VPS13C: variants seen among roughly 807,000 people sequenced by gnomAD.
The protein encoded by VPS13C is intermembrane lipid transfer protein VPS13C.
A neutral mutation model predicts 456.8 loss-of-function variants in VPS13C; 358 were observed. The observed-to-expected ratio is 0.78, with a 90% CI of 0.72 to 0.86. The LOEUF (loss-of-function observed/expected upper bound fraction) is 0.86. Among genes scored for constraint, VPS13C ranks in the 40% least tolerant of loss-of-function variants. The pLI, the probability that VPS13C is intolerant of heterozygous loss-of-function variation, is 0.00. For synonymous variants in VPS13C, 1,578 were observed against 1,486.7 expected (o/e 1.06, Z -1.41); for missense variants, 4,818 against 4,385.4 (o/e 1.10, Z -2.79).
chr15:61,919,484 A>G (rs2043580406), intron 57 of VPS13C, 35 bp from the exon 58 acceptor site: 1 of 1,460,872 alleles, frequency 6.8e-7, no homozygotes. Flanking sequence ...AATTCCAAAT[A>G]TTAATTTGCC....
At chr15:62,020,614 G>A in intron 8 of VPS13C, 76 bp from the exon 9 acceptor site, 1 of 1,444,982 alleles carries the variant, frequency 6.9e-7, no homozygotes, top group East Asian at 2.3e-5. Flanking sequence ...ATAGGCAGCA[G>A]AGGGAAATGT....
chr15:61,938,851 AC>A (rs1452469730), intron 47 of VPS13C, among the ~76,000 whole-genome samples: 1 of 152,116 alleles, frequency 6.6e-6, no homozygotes, highest in Non-Finnish European at 1.5e-5. Context: ...AGAGAAAGAC[AC>A]CAGCCTAATT....
chr15:62,055,957 C>A (rs148354046), intron 1 of VPS13C, among the ~76,000 whole-genome samples: 37 of 152,304 alleles, frequency 2.4e-4, no homozygotes, highest in African/African-American at 8.9e-4. Flanking sequence ...CAGGGTCTAT[C>A]TGCTACATGC....
chr15:61,983,920 G>A lies in VPS13C; in HGVS notation c.1814C>T (p.Ser605Leu), dbSNP rs765984074. The change falls in exon 20 of 85, where the codon TCA (serine) becomes TTA (leucine). Residue 605 changes from serine to leucine, a missense_variant. Coordinates refer to ENST00000644861, the MANE Select transcript of VPS13C (RefSeq NM_020821.3). ...SLVASIGDTT[S>L]SLLKIKFETN... ...TTCAAATTTAATTTTAAGCAAGGATGATGTAGTGTCACCAATTGAAGCCAC... is the reference window on the plus strand; with the variant it reads ...TTCAAATTTAATTTTAAGCAAGGATAATGTAGTGTCACCAATTGAAGCCAC... The A allele has an allele frequency of 6.2e-7, 1 of 1,614,136 alleles. No homozygotes were observed. The highest frequency in any genetic ancestry group is 8.5e-7 in the Non-Finnish European group (1 of 1,180,006).
chr15:62,044,781 T>C (rs895322241), intron 1 of VPS13C, among the ~76,000 whole-genome samples: 6 of 152,148 alleles, frequency 3.9e-5, no homozygotes, highest in African/African-American at 1.4e-4. Context: ...TATATTCATA[T>C]GCTAAGTTAT....
intron 83 of VPS13C, among the ~76,000 whole-genome samples, chr15:61,855,452 ACT>A (rs1893852682): frequency 6.6e-6 from 1 of 152,172 alleles, no homozygotes; most frequent in African/African-American, 2.4e-5. Flanking sequence ...AAATTTTGAC[ACT>A]CTACAATGTA....
intron 59 of VPS13C, 28 bp from the exon 60 acceptor site, chr15:61,917,663 A>G (rs755435091): frequency 6.3e-7 from 1 of 1,595,990 alleles, no homozygotes; most frequent in Non-Finnish European, 8.6e-7. Flanking sequence ...AGTGACAATA[A>G]AGTTTTGATC....
At chr15:61,981,825 T>C (rs766856687) in intron 21 of VPS13C, among the ~76,000 whole-genome samples, 9 of 151,630 alleles carry the variant, frequency 5.9e-5, no homozygotes, top group Non-Finnish European at 1.3e-4. Flanking sequence ...ATTGTGCCAC[T>C]GCACTCCAGC....
At chr15:61,936,816 C>T in intron 47 of VPS13C, 66 bp from the exon 48 acceptor site, 1 of 1,450,760 alleles carries the variant, frequency 6.9e-7, no homozygotes, top group South Asian at 1.5e-5. Flanking sequence ...ATATCTATAT[C>T]TCGATTTGTG....
intron 30 of VPS13C, among the ~76,000 whole-genome samples, chr15:61,965,744 T>C (rs185732015): frequency 1.3e-5 from 2 of 152,002 alleles, no homozygotes; most frequent in Admixed American, 6.6e-5. Context: ...TTATATTTTA[T>C]ACACTTTTTC....
intron 73 of VPS13C, among the ~76,000 whole-genome samples, chr15:61,880,326 G>A (rs1172175939): frequency 6.6e-6 from 1 of 152,040 alleles, no homozygotes; most frequent in Non-Finnish European, 1.5e-5. Flanking sequence ...AACATTAAAC[G>A]TTGGCAAGCA....
chr15:61,874,436 C>G (rs1895263738), intron 77 of VPS13C, among the ~76,000 whole-genome samples: 1 of 151,952 alleles, frequency 6.6e-6, no homozygotes, highest in Admixed American at 6.6e-5. Context: ...AAATATCACT[C>G]TATACCCCAT....
At chr15:62,059,636 T>C (rs368707071) in intron 1 of VPS13C, among the ~76,000 whole-genome samples, 24 of 152,286 alleles carry the variant, frequency 1.6e-4, no homozygotes, top group East Asian at 1.5e-3. Context: ...AAAACAAAAT[T>C]CAAAATCCTC....
At chr15:61,972,518 C>T (rs964765389) in intron 27 of VPS13C, 107 bp downstream of exon 27, 1 of 1,229,892 alleles carries the variant, frequency 8.1e-7, no homozygotes, top group Non-Finnish European at 1.1e-6. Flanking sequence ...GCAGGAAAGA[C>T]AGAGTACCAC....
chr15:61,980,581 C>T (rs987413153), intron 22 of VPS13C, among the ~76,000 whole-genome samples: 1 of 152,040 alleles, frequency 6.6e-6, no homozygotes. Context: ...AATCATTAGG[C>T]GCCCAACTTA....
rs912431148 is a variant in VPS13C, at chr15:61,907,097, C to T, written c.9105+167G>A. The T allele has an allele frequency of 6.0e-6, 5 of 837,530 alleles. No homozygotes were observed. In the Admixed American group the frequency reaches 8.8e-5, roughly 15 times the overall value. 51.9% of individuals were successfully genotyped at this position (837,530 alleles called of 1,614,324 possible). ...ACTTTGATAGAGCTAAGGTAATATACTGGTTTGAACTACAGTATTTGCCAT... is the reference window on the plus strand; with the variant it reads ...ACTTTGATAGAGCTAAGGTAATATATTGGTTTGAACTACAGTATTTGCCAT... On this transcript the variant is annotated intron_variant, in intron 66 of 84. Coordinates refer to ENST00000644861, the MANE Select transcript of VPS13C (RefSeq NM_020821.3).
chr15:62,016,673 G>A (rs966758935), intron 9 of VPS13C, among the ~76,000 whole-genome samples: 6 of 152,010 alleles, frequency 3.9e-5, no homozygotes, highest in Non-Finnish European at 7.4e-5. Context: ...GTCTATCACT[G>A]TTGGACACTT....
intron 15 of VPS13C, among the ~76,000 whole-genome samples, chr15:62,001,388 T>C (rs13329329): frequency 0.078 from 11,895 of 152,270 alleles, 984 homozygotes; most frequent in African/African-American, 0.21. Flanking sequence ...GGAATTCAAC[T>C]CATTTTTCAC....
At chr15:62,034,417 G>A (rs1481859202) in intron 4 of VPS13C, among the ~76,000 whole-genome samples, 2 of 151,368 alleles carry the variant, frequency 1.3e-5, no homozygotes, top group African/African-American at 4.8e-5. Context: ...ACATTATATT[G>A]TTCTTATAAG....
Sources: gnomAD v4.1 joint callset for allele counts (sites outside exome capture counted in the v4.1 genomes callset) on GRCh38, gnomAD v4.1.1 for gene constraint, MANE v1.5 for transcripts, NCBI Gene and HGNC (gene_info 2026-07-23, HGNC 2026-07-21) for gene names.